Variants in CSMD1 observed in about 807,000 individuals in gnomAD.
CSMD1 encodes CUB and sushi domain-containing protein 1.
Under a neutral mutation model 417.5 loss-of-function variants are expected in CSMD1, and 213 were observed. The ratio of observed to expected loss-of-function variants is 0.51; its 90% CI spans 0.46 to 0.57. CSMD1 has a LOEUF of 0.57. Among genes scored for constraint, CSMD1 ranks in the 20% least tolerant of loss-of-function variants. The pLI, the probability that CSMD1 is intolerant of heterozygous loss-of-function variation, is 0.00. For synonymous variants in CSMD1, 2,862 were observed against 1,736.8 expected (o/e 1.65, Z -16.11); for missense variants, 6,923 against 4,529.7 (o/e 1.53, Z -15.17).
Position 3,205,498 on chromosome 8 carries a change from C to G in CSMD1, c.4984+6G>C. On this transcript the variant is annotated splice_donor_region_variant and intron_variant, in intron 31 of 69. Coordinates refer to ENST00000635120, the MANE Select transcript of CSMD1 (RefSeq NM_033225.6). ...CAATGAATTAAAAATACAAGGACATCCTTACCGAATTCCTTTGGTACCGTG... is the reference window on the plus strand; with the variant it reads ...CAATGAATTAAAAATACAAGGACATGCTTACCGAATTCCTTTGGTACCGTG... The G allele has an allele frequency of 7.3e-7, 1 of 1,360,736 alleles. No homozygotes were observed. The highest frequency in any genetic ancestry group is 1.3e-5 in the South Asian group (1 of 78,334). 84.3% of individuals were successfully genotyped at this position (1,360,736 alleles called of 1,614,324 possible).
chr8:4,652,752 C>G (rs926146987), intron 1 of CSMD1, among the ~76,000 whole-genome samples: 1 of 152,062 alleles, frequency 6.6e-6, no homozygotes, highest in East Asian at 1.9e-4. Context: ...CTTTTTGGCA[C>G]CAGGGCGGTT....
In CSMD1 at chr8:2,966,744, C is replaced by T. The variant is rs763163101; in HGVS notation, c.8926G>A (p.Val2976Met). ...GGTGTGCCAGGGTTGCCACAGGACA[C>T]GGCTGTTAGGCAAACAAGAACACCA... ...WSGLQPVCEA[V>M]SCGNPGTPTN... The change falls in exon 58 of 70, where the codon GTG becomes ATG. Residue 2976 changes from valine (V) to methionine (M), a missense_variant and splice_region_variant. By Grantham distance (21) the Val-to-Met change is conservative (BLOSUM62 1). Transcript: ENST00000635120. 1.4e-5 allele frequency: 22 copies of T among 1,612,694 alleles called. No homozygotes were observed. The highest frequency in any genetic ancestry group is 4.5e-5 in the East Asian group (2 of 44,810).
intron 2 of CSMD1, among the ~76,000 whole-genome samples, chr8:4,581,862 C>G (rs1799434602): frequency 1.3e-5 from 2 of 152,194 alleles, no homozygotes; most frequent in Non-Finnish European, 2.9e-5. Flanking sequence ...CTGGACTCTT[C>G]TACCTCCTCC....
chr8:3,251,567 G>A (rs936044407), intron 26 of CSMD1, among the ~76,000 whole-genome samples: 1 of 152,116 alleles, frequency 6.6e-6, no homozygotes, highest in South Asian at 2.1e-4. Context: ...GGTTCCATAT[G>A]AACTTTAAAG....
At chr8:3,995,477 T>G (rs1464117082) in intron 5 of CSMD1, among the ~76,000 whole-genome samples, 1 of 152,200 alleles carries the variant, frequency 6.6e-6, no homozygotes, top group Non-Finnish European at 1.5e-5. Context: ...CCTGTAGTCC[T>G]GAAACAGAGA....
At chr8:3,222,456 T>C (rs1048467946) in intron 28 of CSMD1, among the ~76,000 whole-genome samples, 1 of 152,016 alleles carries the variant, frequency 6.6e-6, no homozygotes, top group Non-Finnish European at 1.5e-5. Flanking sequence ...ACCAGAGGAA[T>C]ACACAAGCAC....
At chr8:4,466,802 A>G (rs959801919) in intron 2 of CSMD1, among the ~76,000 whole-genome samples, 8 of 152,198 alleles carry the variant, frequency 5.3e-5, no homozygotes, top group Non-Finnish European at 1.0e-4. Flanking sequence ...CCATAGAAAA[A>G]TAACAAGCCA....
At chr8:3,729,343 C>T (rs866006866) in intron 6 of CSMD1, among the ~76,000 whole-genome samples, 2 of 152,126 alleles carry the variant, frequency 1.3e-5, no homozygotes, top group Non-Finnish European at 2.9e-5. Context: ...TGAGACTTTG[C>T]CAGTCTAGCT....
At chr8:3,039,011 C>G (rs1006182256) in intron 50 of CSMD1, among the ~76,000 whole-genome samples, 1 of 152,088 alleles carries the variant, frequency 6.6e-6, no homozygotes, top group Non-Finnish European at 1.5e-5. Context: ...CAGACTAGGT[C>G]AACTCTTGAG....
At chr8:3,276,912 G>T (rs1016584103) in intron 26 of CSMD1, among the ~76,000 whole-genome samples, 2 of 152,114 alleles carry the variant, frequency 1.3e-5, no homozygotes, top group Non-Finnish European at 2.9e-5. Context: ...TTAATCCACT[G>T]TATTAATAAA....
intron 1 of CSMD1, among the ~76,000 whole-genome samples, chr8:4,948,552 G>C (rs944529021): frequency 1.3e-5 from 2 of 151,942 alleles, no homozygotes; most frequent in South Asian, 2.1e-4. Context: ...AAATCTGCTA[G>C]AAAATTTATT....
chr8:3,173,921 G>A (rs1311035852), intron 37 of CSMD1, among the ~76,000 whole-genome samples: 3 of 152,176 alleles, frequency 2.0e-5, no homozygotes, highest in South Asian at 2.1e-4. Flanking sequence ...GCAACGTCCT[G>A]CCAAAAATGT....
intron 51 of CSMD1, among the ~76,000 whole-genome samples, chr8:3,020,148 G>A (rs1809240021): frequency 6.6e-6 from 1 of 152,212 alleles, no homozygotes; most frequent in South Asian, 2.1e-4. Flanking sequence ...CTAAGTCTCT[G>A]GGCCCTGTTA....
At chr8:4,510,033 G>T (rs1396030052) in intron 2 of CSMD1, among the ~76,000 whole-genome samples, 1 of 152,082 alleles carries the variant, frequency 6.6e-6, no homozygotes, top group Non-Finnish European at 1.5e-5. Flanking sequence ...GGACCCGGTG[G>T]GAGGTAACTC....
chr8:4,739,817 G>C (rs1275579882), intron 1 of CSMD1, among the ~76,000 whole-genome samples: 5 of 152,092 alleles, frequency 3.3e-5, no homozygotes, highest in Admixed American at 1.3e-4. Context: ...AGCCTCCTTT[G>C]TGATCTTTCC....
chr8:3,767,769 A>G (rs941602628), intron 5 of CSMD1, among the ~76,000 whole-genome samples: 3 of 152,222 alleles, frequency 2.0e-5, no homozygotes, highest in African/African-American at 7.2e-5. Context: ...AATGACACTC[A>G]GAGAACAGTG....
intron 1 of CSMD1, among the ~76,000 whole-genome samples, chr8:4,850,410 T>C (rs1801400131): frequency 6.8e-6 from 1 of 146,312 alleles, no homozygotes; most frequent in Non-Finnish European, 1.5e-5. Context: ...TTTTTTGCTC[T>C]TGCCTTTAGT....
At chr8:4,037,352 G>C (rs1278445322) in intron 3 of CSMD1, among the ~76,000 whole-genome samples, 2 of 152,196 alleles carry the variant, frequency 1.3e-5, no homozygotes, top group Admixed American at 6.5e-5. Context: ...CTTGAAGTGA[G>C]CACTTGCTGT....
chr8:3,698,495 C>T (rs961712658), intron 7 of CSMD1, among the ~76,000 whole-genome samples: 4 of 152,240 alleles, frequency 2.6e-5, no homozygotes, highest in South Asian at 2.1e-4. Flanking sequence ...GCAAGACCTA[C>T]AGCACTTAGT....
Sources: gnomAD v4.1 joint callset for allele counts (sites outside exome capture counted in the v4.1 genomes callset) on GRCh38, gnomAD v4.1.1 for gene constraint, MANE v1.5 for transcripts, NCBI Gene and HGNC (gene_info 2026-07-23, HGNC 2026-07-21) for gene names.